Variants in JAZF1 observed in about 807,000 individuals in gnomAD.
JAZF1 encodes the protein JAZF zinc finger 1.
Under a neutral mutation model 26.4 loss-of-function variants are expected in JAZF1, and 8 were observed. That is an observed-to-expected ratio of 0.30 (90% CI 0.18 to 0.55). JAZF1 has a LOEUF of 0.55. JAZF1 is among the 20% of genes least tolerant of loss of function. The pLI, the probability that JAZF1 is intolerant of heterozygous loss-of-function variation, is 0.94. For missense variants in JAZF1, 199 were observed against 322.0 expected, an observed-to-expected ratio of 0.62 and a Z score of 2.92; for synonymous variants, 126 against 122.3, an observed-to-expected ratio of 1.03 and a Z score of -0.20.
chr7:27,911,629 T>A (rs1784361750), intron 2 of JAZF1, among the ~76,000 whole-genome samples: 1 of 152,180 alleles, frequency 6.6e-6, no homozygotes, highest in Non-Finnish European at 1.5e-5. Context: ...AACATAAAAT[T>A]TCCACGATCA....
chr7:28,027,194 G>T (rs1435547835), intron 1 of JAZF1, among the ~76,000 whole-genome samples: 1 of 152,184 alleles, frequency 6.6e-6, no homozygotes, highest in African/African-American at 2.4e-5. Context: ...CTCAGGGGCT[G>T]CCCCACAAGT....
chr7:27,837,636 G>T (rs1782841897), intron 4 of JAZF1, among the ~76,000 whole-genome samples: 1 of 152,204 alleles, frequency 6.6e-6, no homozygotes, highest in African/African-American at 2.4e-5. Flanking sequence ...TGGGAGGTTG[G>T]TGAGGGGTCC....
In JAZF1 at chr7:28,142,560, G is replaced by A. The variant is rs188582583; in HGVS notation, c.115+37903C>T. Among the ~76,000 whole-genome samples, 261 of 152,246 alleles carry A rather than the reference G, an allele frequency of 1.7e-3. 2 individuals are homozygous for A. Among genetic ancestry groups the A allele is most frequent in the African/African-American group, 6.2e-3 (257 of 41,542 alleles). On this transcript the variant is annotated intron_variant, in intron 1 of 4. Coordinates refer to ENST00000283928, the MANE Select transcript of JAZF1 (RefSeq NM_175061.4). Reference sequence around the variant, plus strand: ...CAAATACTCAAGGCCCTTCTACCGTGCGCACCTTTCCTTTGTCCTGCCATT... The same window carrying A: ...CAAATACTCAAGGCCCTTCTACCGTACGCACCTTTCCTTTGTCCTGCCATT...
intron 3 of JAZF1, among the ~76,000 whole-genome samples, chr7:27,850,615 C>T (rs1562764684): frequency 6.6e-6 from 1 of 152,350 alleles, no homozygotes; most frequent in East Asian, 1.9e-4. Context: ...GAATCGAGTT[C>T]AGACGGGAAG....
At chr7:27,903,734 G>A (rs1784204746) in intron 2 of JAZF1, among the ~76,000 whole-genome samples, 2 of 152,200 alleles carry the variant, frequency 1.3e-5, no homozygotes, top group South Asian at 4.1e-4. Flanking sequence ...TCCATGCCAT[G>A]AGCTGCTGGA....
chr7:28,037,753 G>C (rs1323434004), intron 1 of JAZF1, among the ~76,000 whole-genome samples: 2 of 152,160 alleles, frequency 1.3e-5, no homozygotes, highest in African/African-American at 4.8e-5. Context: ...AGAGATGTGT[G>C]GATGGAAAGG....
At chr7:28,090,817 G>GTTTTTTTTT (rs11367530) in intron 1 of JAZF1, among the ~76,000 whole-genome samples, 2 of 101,804 alleles carry the variant, frequency 2.0e-5, no homozygotes, top group African/African-American at 3.9e-5. Flanking sequence ...TTTTTTAGTT[G>GTTTTTTTTT]TTTTTTTTTT....
intron 1 of JAZF1, among the ~76,000 whole-genome samples, chr7:28,179,489 C>A (rs537954569): frequency 4.8e-4 from 73 of 152,152 alleles, no homozygotes; most frequent in Admixed American, 8.5e-4. Context: ...GCAGCCAGCG[C>A]ACCTCGGGCC....
chr7:27,925,707 A>T (rs1420179060), intron 2 of JAZF1, among the ~76,000 whole-genome samples: 1 of 152,210 alleles, frequency 6.6e-6, no homozygotes, highest in Non-Finnish European at 1.5e-5. Context: ...AATTACAGGC[A>T]TGAGCCATGT....
Position 27,985,674 on chromosome 7 carries a change from C to A in JAZF1, c.188+6235G>T, listed in dbSNP as rs1057136402. On this transcript the variant is annotated intron_variant, in intron 2 of 4. Coordinates refer to ENST00000283928, the MANE Select transcript of JAZF1 (RefSeq NM_175061.4). ...AAAAAAGAGAATTTTAGACCAATAT[C>A]CCTGATGAACATCGATGCAAAAATC... Among the ~76,000 whole-genome samples the A allele has an allele frequency of 2.7e-4, 41 of 152,174 alleles. 1 individual carries two copies. The highest frequency in any genetic ancestry group is 9.9e-4 in the African/African-American group (41 of 41,428).
intron 1 of JAZF1, among the ~76,000 whole-genome samples, chr7:28,038,123 G>C (rs1271324361): frequency 2.6e-5 from 4 of 152,138 alleles, no homozygotes; most frequent in Non-Finnish European, 5.9e-5. Context: ...CAGAACCAAT[G>C]GGCTAATGCA....
chr7:27,891,295 TAGGTGG>T (rs1783972941), intron 3 of JAZF1, among the ~76,000 whole-genome samples: 1 of 152,184 alleles, frequency 6.6e-6, no homozygotes, highest in South Asian at 2.1e-4. Context: ...CCCATTAATT[TAGGTGG>T]TTCTATAGCT....
At chr7:27,993,260 T>C (rs1005863295) in intron 1 of JAZF1, among the ~76,000 whole-genome samples, 35 of 152,278 alleles carry the variant, frequency 2.3e-4, no homozygotes. Context: ...AGACAAAGAT[T>C]CTCTGAATGG....
chr7:27,950,347 G>C (rs1784988670), intron 2 of JAZF1, among the ~76,000 whole-genome samples: 1 of 152,194 alleles, frequency 6.6e-6, no homozygotes. Context: ...ATGCAAAGCT[G>C]CTTCAAGCTC....
At chr7:28,130,898 T>A (rs1782782775) in intron 1 of JAZF1, among the ~76,000 whole-genome samples, 1 of 152,208 alleles carries the variant, frequency 6.6e-6, no homozygotes, top group African/African-American at 2.4e-5. Context: ...AATTTAATCT[T>A]TCAATATTTG....
intron 3 of JAZF1, among the ~76,000 whole-genome samples, chr7:27,890,534 T>C (rs1783953861): frequency 6.6e-6 from 1 of 152,286 alleles, no homozygotes; most frequent in Middle Eastern, 3.4e-3. Context: ...GTAATAATAA[T>C]GAATGTGGAT....
chr7:27,935,141 C>T (rs1224203448), intron 2 of JAZF1, among the ~76,000 whole-genome samples: 2 of 152,080 alleles, frequency 1.3e-5, no homozygotes, highest in African/African-American at 4.8e-5. Context: ...AAATCAAAAT[C>T]GCAACGAGAT....
chr7:28,134,120 AC>A (rs1288839729), intron 1 of JAZF1, among the ~76,000 whole-genome samples: 1 of 152,208 alleles, frequency 6.6e-6, no homozygotes, highest in Non-Finnish European at 1.5e-5. Context: ...CCTGGTGGGT[AC>A]TGAGCACTCC....
chr7:27,959,803 G>A (rs1307663155), intron 2 of JAZF1, among the ~76,000 whole-genome samples: 1 of 152,074 alleles, frequency 6.6e-6, no homozygotes, highest in Admixed American at 6.5e-5. Flanking sequence ...GGGAGGCTGA[G>A]GCAGGAGAAT....
Sources: allele counts gnomAD v4.1 joint callset (sites outside exome capture counted in the v4.1 genomes callset), GRCh38; gene constraint gnomAD v4.1.1; transcripts MANE v1.5; gene names NCBI Gene and HGNC (gene_info 2026-07-23, HGNC 2026-07-21).